ZBBX: variants seen among roughly 807,000 people sequenced by gnomAD.
ZBBX encodes the protein zinc finger B-box domain-containing protein 1.
ZBBX carries 101 observed loss-of-function variants against 108.5 expected under a neutral mutation model. The observed-to-expected ratio is 0.93, with a 90% CI of 0.79 to 1.10. The LOEUF is 1.10. ZBBX is among the 50% of genes least tolerant of loss of function. The pLI, the probability that ZBBX is intolerant of heterozygous loss-of-function variation, is 0.00. For synonymous variants in ZBBX, 356 were observed against 323.4 expected (o/e 1.10, Z -1.08); for missense variants, 1,009 against 941.4 (o/e 1.07, Z -0.94).
chr3:167,300,308 CTAACACTAT>C (rs1312866664), intron 17 of ZBBX, among the ~76,000 whole-genome samples: 2 of 152,054 alleles, frequency 1.3e-5, no homozygotes, highest in African/African-American at 4.8e-5. Flanking sequence ...CAAGCTTTAC[CTAACACTAT>C]TTTATTACTG....
intron 8 of ZBBX, among the ~76,000 whole-genome samples, chr3:167,357,535 T>C (rs935031890): frequency 6.6e-6 from 1 of 152,080 alleles, no homozygotes; most frequent in African/African-American, 2.4e-5. Flanking sequence ...AAGCAGGGTC[T>C]TAAAGAGGTA....
chr3:167,350,726 T>G (rs1323117553), intron 8 of ZBBX, among the ~76,000 whole-genome samples: 1 of 151,748 alleles, frequency 6.6e-6, no homozygotes, highest in Non-Finnish European at 1.5e-5. Flanking sequence ...TGAAGAAAAC[T>G]AATTCGAAAA....
chr3:167,328,477 C>CA (rs11441311), intron 10 of ZBBX, among the ~76,000 whole-genome samples: 54,701 of 151,468 alleles, frequency 0.36, 10,375 homozygotes, highest in Non-Finnish European at 0.43. Context: ...CTTCTCATAT[C>CA]AAAAAAACAG....
chr3:167,328,207 T>C (rs1577011093), intron 10 of ZBBX, 91 bp from the exon 11 acceptor site: 3 of 1,286,940 alleles, frequency 2.3e-6, no homozygotes, highest in East Asian at 4.8e-5. Context: ...TGTTTTAAAA[T>C]ACAGGTAGAA....
chr3:167,254,894 G>GAGAGAGAATGAGAGAGAGAA (rs1723214430), intron 20 of ZBBX, among the ~76,000 whole-genome samples: 1 of 151,974 alleles, frequency 6.6e-6, no homozygotes, highest in African/African-American at 2.4e-5. Flanking sequence ...GTGTGAGAGA[G>GAGAGAGAATGAGAGAGAGAA]AGAGAGAATG....
chr3:167,369,421 C>T (rs1745826313), intron 4 of ZBBX, among the ~76,000 whole-genome samples: 1 of 152,074 alleles, frequency 6.6e-6, no homozygotes, highest in East Asian at 1.9e-4. Context: ...CAAGCAATTA[C>T]CAAAAAGCAA....
chr3:167,185,102 T>C, the ZBBX span, among the ~76,000 whole-genome samples: 1 of 152,330 alleles, frequency 6.6e-6, no homozygotes, highest in South Asian at 2.1e-4. Flanking sequence ...TTGTAATTGT[T>C]CCAAACTGGA....
At chr3:167,202,555 T>C in the ZBBX span, among the ~76,000 whole-genome samples, 2 of 152,134 alleles carry the variant, frequency 1.3e-5, no homozygotes, top group Admixed American at 6.6e-5. Context: ...ATCTCCTTTA[T>C]TGCTTGAATG....
intron 20 of ZBBX, among the ~76,000 whole-genome samples, chr3:167,257,381 C>T (rs1007344152): frequency 2.0e-5 from 3 of 151,942 alleles, no homozygotes; most frequent in Non-Finnish European, 2.9e-5. Context: ...TCTTCCTTTC[C>T]GATTTGGATG....
rs1255423724 is a variant in ZBBX, at chr3:167,240,081, G to A, written c.*712C>T. ...CCATGATTCAATTACTTCCCACCAG[G>A]TCCCTCCCAGGACACCTGGAGATTA... is the stretch of plus-strand genomic sequence containing the variant. On this transcript the variant is annotated 3_prime_UTR_variant, in exon 22 of 22. Transcript: ENST00000675490. Among the ~76,000 whole-genome samples the A allele has an allele frequency of 6.6e-6, 1 of 151,970 alleles. No homozygotes were observed. The highest frequency in any genetic ancestry group is 2.4e-5 in the African/African-American group (1 of 41,370).
At chr3:167,207,962 C>T in the ZBBX span, among the ~76,000 whole-genome samples, 104 of 152,268 alleles carry the variant, frequency 6.8e-4, no homozygotes, top group Non-Finnish European at 1.2e-3. Flanking sequence ...CCTCTACCAT[C>T]GTCAAAAGTG....
At chr3:167,404,027 A>G (rs1748506137) in intron 1 of ZBBX, among the ~76,000 whole-genome samples, 1 of 152,118 alleles carries the variant, frequency 6.6e-6, no homozygotes, top group South Asian at 2.1e-4. Flanking sequence ...GAGGCGAAAA[A>G]AGTCAGCATA....
chr3:167,286,422 G>A (rs763609296), intron 19 of ZBBX, among the ~76,000 whole-genome samples: 5 of 152,080 alleles, frequency 3.3e-5, no homozygotes, highest in Admixed American at 6.6e-5. Flanking sequence ...TGGAAAGTAC[G>A]ATTCACTTCC....
Position 167,305,815 on chromosome 3 carries a change from T to C in ZBBX, c.1553A>G (p.Lys518Arg), listed in dbSNP as rs1454434527. 2 of 1,612,598 alleles carry C rather than the reference T, an allele frequency of 1.2e-6. No homozygotes were observed. The highest frequency in any genetic ancestry group is 2.7e-5 in the African/African-American group (2 of 74,876). The change falls in exon 17 of 22, where the codon AAG becomes AGG. Residue 518 changes from lysine (K) to arginine (R), a missense_variant. Transcript: ENST00000675490. ...AAGTGATACACAGGAATCATCAGAC[T>C]TTTGATTACTTTCTAAACCTATATT... is the stretch of plus-strand genomic sequence containing the variant. ...EKNIGLESNQ[K>R]SDDSCVSLES...
intron 9 of ZBBX, among the ~76,000 whole-genome samples, chr3:167,339,792 T>C (rs1294525418): frequency 1.3e-5 from 2 of 152,080 alleles, no homozygotes; most frequent in Non-Finnish European, 2.9e-5. Context: ...ATGCATTAGG[T>C]ATTTGTCCTA....
chr3:167,348,949 A>T (rs1292594749), intron 9 of ZBBX, among the ~76,000 whole-genome samples: 1 of 152,076 alleles, frequency 6.6e-6, no homozygotes, highest in African/African-American at 2.4e-5. Context: ...TTCAGTAATT[A>T]TTTGACTGGT....
chr3:167,192,733 C>T, the ZBBX span, among the ~76,000 whole-genome samples: 18 of 152,184 alleles, frequency 1.2e-4, no homozygotes, highest in East Asian at 3.5e-3. Flanking sequence ...TTTTCTCTGC[C>T]TGATCTTTTC....
upstream of ZBBX, among the ~76,000 whole-genome samples, chr3:167,381,991 G>A (rs1417554513): frequency 1.3e-5 from 2 of 152,168 alleles, 1 homozygote; most frequent in Admixed American, 1.3e-4. Context: ...AGAGAGAACA[G>A]TAAACACATG....
At chr3:167,185,307 C>A in the ZBBX span, among the ~76,000 whole-genome samples, 1 of 152,022 alleles carries the variant, frequency 6.6e-6, no homozygotes, top group Non-Finnish European at 1.5e-5. Context: ...ATATAACATC[C>A]TTTCGGAAGT....
Sources: gnomAD v4.1 joint callset for allele counts (sites outside exome capture counted in the v4.1 genomes callset) on GRCh38, gnomAD v4.1.1 for gene constraint, MANE v1.5 for transcripts, NCBI Gene and HGNC (gene_info 2026-07-23, HGNC 2026-07-21) for gene names.